Variants in KIAA0586 observed in about 807,000 individuals in gnomAD.
The protein encoded by KIAA0586 is KIAA0586.
Under a neutral mutation model 169.8 loss-of-function variants are expected in KIAA0586, and 144 were observed. The ratio of observed to expected loss-of-function variants is 0.85; its 90% CI spans 0.74 to 0.97. The LOEUF is 0.97. KIAA0586 is among the 50% of genes least tolerant of loss of function. The probability of loss-of-function intolerance (pLI) is 0.00; values close to 1 mark genes in which losing one functional copy is unlikely to be tolerated. For missense variants in KIAA0586, 1,854 were observed against 1,823.0 expected (o/e 1.02, Z -0.31); for synonymous variants, 625 against 612.4 (o/e 1.02, Z -0.30).
At chr14:58,561,342 G>GA in the KIAA0586 span, among the ~76,000 whole-genome samples, 2 of 152,036 alleles carry the variant, frequency 1.3e-5, no homozygotes, top group African/African-American at 2.4e-5. Flanking sequence ...AGATTTTAAA[G>GA]AAAAAATGAA....
intron 30 of KIAA0586, 107 bp downstream of exon 30, chr14:58,540,243 C>T (rs1431675323): frequency 1.6e-6 from 1 of 626,446 alleles, no homozygotes; most frequent in Non-Finnish European, 2.7e-6. Context: ...ATACTAATAG[C>T]AATTTTTAAT....
Position 58,526,931 on chromosome 14 carries a change from A to G in KIAA0586, c.4430-13140A>G, listed in dbSNP as rs549499896. Among the ~76,000 whole-genome samples the G allele has an allele frequency of 3.3e-5, 5 of 152,072 alleles. No individual in the cohort carries two copies. In the East Asian group the frequency reaches 7.8e-4, roughly 24 times the overall value. On this transcript the variant is annotated intron_variant, in intron 29 of 30. Coordinates refer to ENST00000652326, the MANE Select transcript of KIAA0586 (RefSeq NM_001329943.3). ...TTTCCCCTCTTTAATTCCTTCCCCC[A>G]TAATAAAGGAAGCTAAGAACCTTGA...
chr14:58,439,803 G>T (rs2038147566), intron 4 of KIAA0586: 1 of 979,492 alleles, frequency 1.0e-6, no homozygotes, highest in Admixed American at 6.2e-5. Flanking sequence ...GTTCTGTGAT[G>T]CCCTTAAAAG....
intron 8 of KIAA0586, among the ~76,000 whole-genome samples, chr14:58,452,182 T>C (rs1017018766): frequency 6.6e-6 from 1 of 152,030 alleles, no homozygotes; most frequent in African/African-American, 2.4e-5. Flanking sequence ...GTTCAGTGTA[T>C]ACTGCTTGGA....
At chr14:58,511,894 A>G (rs888609007) in intron 28 of KIAA0586, among the ~76,000 whole-genome samples, 4 of 152,304 alleles carry the variant, frequency 2.6e-5, no homozygotes, top group Middle Eastern at 3.4e-3. Flanking sequence ...AGCGCATAAA[A>G]TAGGAAAGAG....
At chr14:58,513,098 C>T (rs1223437987) in intron 29 of KIAA0586, among the ~76,000 whole-genome samples, 1 of 152,000 alleles carries the variant, frequency 6.6e-6, no homozygotes, top group Non-Finnish European at 1.5e-5. Context: ...CTTTATCAAA[C>T]TCGTGTGGTT....
At chr14:58,448,828 T>G (rs1039132275) in intron 7 of KIAA0586, among the ~76,000 whole-genome samples, 5 of 152,166 alleles carry the variant, frequency 3.3e-5, no homozygotes, top group African/African-American at 1.2e-4. Context: ...AAAAATTTAC[T>G]TATTTACTAC....
At chr14:58,471,107 C>T (rs919529310) in intron 17 of KIAA0586, among the ~76,000 whole-genome samples, 1 of 152,170 alleles carries the variant, frequency 6.6e-6, no homozygotes, top group Non-Finnish European at 1.5e-5. Context: ...CTACCTCGGC[C>T]TCCCAAGTTC....
At position 58,474,667 on chromosome 14, in the gene KIAA0586, G is replaced by C; in HGVS notation, c.2695G>C (p.Val899Leu). The change falls in exon 19 of 31, where the codon GTT (valine) becomes CTT (leucine). Residue 899 changes from valine to leucine, a missense_variant. Coordinates refer to ENST00000652326, the MANE Select transcript of KIAA0586 (RefSeq NM_001329943.3). ...ACCAATTCTGGAGTTTAACAGAAGT[G>C]TTAAAGCTGATTCTACAAAATATAA... ...SEPILEFNRS[V>L]KADSTKYNGP... is the part of the protein sequence containing the mutation. 3.1e-6 allele frequency: 5 copies of C among 1,612,146 alleles called. No individual in the cohort carries two copies. Among genetic ancestry groups the C allele is most frequent in the Non-Finnish European group, 4.2e-6 (5 of 1,179,300 alleles).
At chr14:58,560,932 G>A in the KIAA0586 span, among the ~76,000 whole-genome samples, 1 of 152,128 alleles carries the variant, frequency 6.6e-6, no homozygotes, top group Admixed American at 6.5e-5. Context: ...AAGTTTCAGG[G>A]ACTTTAAACT....
At chr14:58,525,872 C>T (rs969227586) in intron 29 of KIAA0586, among the ~76,000 whole-genome samples, 1 of 152,140 alleles carries the variant, frequency 6.6e-6, no homozygotes, top group African/African-American at 2.4e-5. Flanking sequence ...CAAGCTTGGT[C>T]GGGGGAGGGG....
chr14:58,432,359 A>G lies in KIAA0586; in HGVS notation c.341-29A>G, dbSNP rs750138531. ...AGTTTAATAAATATTCAGGAATTTA[A>G]TATATATTTTTGTGTCTTGATTTTG... On this transcript the variant is annotated intron_variant, in intron 3 of 30. Coordinates refer to ENST00000652326, the MANE Select transcript of KIAA0586 (RefSeq NM_001329943.3). 4 of 1,307,362 alleles carry G rather than the reference A, an allele frequency of 3.1e-6. No homozygotes were observed. In the African/African-American group the frequency reaches 4.6e-5, roughly 15 times the overall value. The allele number at this position is 1,307,362 out of a possible 1,614,324, so 81.0% of individuals were successfully genotyped here.
At position 58,441,121 on chromosome 14, in the gene KIAA0586, A is replaced by G. The variant is rs193072779; in HGVS notation, c.411-1585A>G. 3.0e-4 allele frequency: 63 copies of G among 211,894 alleles called. No individual in the cohort carries two copies. In the East Asian group the frequency reaches 6.5e-3, roughly 22 times the overall value. The allele number at this position is 211,894 out of a possible 1,614,324, so 13.1% of individuals were successfully genotyped here. A position where few individuals can be genotyped will look rare whatever the true frequency, so the allele number is the denominator to read the frequency against. On this transcript the variant is annotated intron_variant, in intron 4 of 30. Coordinates refer to ENST00000652326, the MANE Select transcript of KIAA0586 (RefSeq NM_001329943.3). Reference sequence around the variant, plus strand: ...AAATATATACAATTTTTTTTCAATTATACCTCAGTAAAGTGGGATAAAAAA... The same window carrying G: ...AAATATATACAATTTTTTTTCAATTGTACCTCAGTAAAGTGGGATAAAAAA...
In KIAA0586 at chr14:58,549,021, A is replaced by G. The variant is rs1166973432; in HGVS notation, c.*1089A>G. The G allele has an allele frequency of 2.0e-5, 3 of 152,190 alleles. No individual in the cohort carries two copies. The highest frequency in any genetic ancestry group is 4.4e-5 in the Non-Finnish European group (3 of 68,038). 9.4% of individuals were successfully genotyped at this position (152,190 alleles called of 1,614,324 possible). A position where few individuals can be genotyped will look rare whatever the true frequency, so the allele number is the denominator to read the frequency against. On this transcript the variant is annotated 3_prime_UTR_variant, in exon 31 of 31. Transcript: ENST00000652326. ...AGTGCTTGATACCATGTAAGTGCTCAATAAATGGTGTTGTTCTTATTATCT... is the reference window on the plus strand; with the variant it reads ...AGTGCTTGATACCATGTAAGTGCTCGATAAATGGTGTTGTTCTTATTATCT...
chr14:58,470,150 T>C (rs570149231), intron 16 of KIAA0586, among the ~76,000 whole-genome samples: 1 of 151,936 alleles, frequency 6.6e-6, no homozygotes, highest in African/African-American at 2.4e-5. Context: ...AGTGGAAAAA[T>C]TGGAAATTTC....
At chr14:58,533,739 G>A (rs2046123299) in intron 29 of KIAA0586, among the ~76,000 whole-genome samples, 1 of 152,184 alleles carries the variant, frequency 6.6e-6, no homozygotes, top group African/African-American at 2.4e-5. Context: ...ATTACCCAGA[G>A]TAATGGTAAC....
intron 27 of KIAA0586, among the ~76,000 whole-genome samples, chr14:58,506,444 C>T (rs565599169): frequency 6.6e-5 from 10 of 151,084 alleles, no homozygotes; most frequent in African/African-American, 1.2e-4. Context: ...TTTGGGAGAA[C>T]GAGGTGAGCG....
chr14:58,472,234 G>A lies in KIAA0586; in HGVS notation c.2589G>A (p.Val863=), dbSNP rs374585380. The stretch of plus-strand genomic sequence containing the variant: ...TTATGAAGGTAGATGAAGAAGAGGT[G>A]AAGTTTCCAGGAACTAACTTTGATG... ...PEIMKVDEEE[V]KFPGTNFDEI... is the part of the protein sequence containing the mutation. The change falls in exon 18 of 31, where the codon GTG becomes GTA. Residue 863 remains valine (V), a synonymous_variant. Coordinates refer to ENST00000652326, the MANE Select transcript of KIAA0586 (RefSeq NM_001329943.3). The A allele has an allele frequency of 8.8e-6, 14 of 1,587,482 alleles. No individual in the cohort carries two copies. Among genetic ancestry groups the A allele is most frequent in the Non-Finnish European group, 1.1e-5 (13 of 1,167,624 alleles).
chr14:58,504,119 C>T (rs1221584856), intron 27 of KIAA0586, among the ~76,000 whole-genome samples: 2 of 151,962 alleles, frequency 1.3e-5, no homozygotes, highest in African/African-American at 4.8e-5. Flanking sequence ...TCATATTTAC[C>T]TTTTATTTAG....
Sources: gnomAD v4.1 joint callset for allele counts (sites outside exome capture counted in the v4.1 genomes callset) on GRCh38, gnomAD v4.1.1 for gene constraint, MANE v1.5 for transcripts, NCBI Gene and HGNC (gene_info 2026-07-23, HGNC 2026-07-21) for gene names.